ALDH1A2: variants seen among roughly 807,000 people sequenced by gnomAD.
ALDH1A2 encodes the protein aldehyde dehydrogenase 1 family member A2.
ALDH1A2 carries 27 observed loss-of-function variants against 60.3 expected under a neutral mutation model. That is an observed-to-expected ratio of 0.45 (90% CI 0.33 to 0.62). ALDH1A2 has a LOEUF of 0.62. Ranked by LOEUF, ALDH1A2 falls within the 20% of genes least tolerant of loss-of-function variation. ALDH1A2 has a pLI of 0.02. For missense variants in ALDH1A2, 581 were observed against 643.8 expected, an observed-to-expected ratio of 0.90 and a Z score of 1.06; for synonymous variants, 289 against 232.4, an observed-to-expected ratio of 1.24 and a Z score of -2.21.
intron 8 of ALDH1A2, chr15:57,964,611 G>A (rs569179623): frequency 1.3e-5 from 2 of 156,314 alleles, no homozygotes; most frequent in African/African-American, 4.8e-5. Flanking sequence ...CCTTGGGGCT[G>A]TATGTTTGGT....
Position 57,954,231 on chromosome 15 carries a change from TAC to T in ALDH1A2, c.*964_*965del, listed in dbSNP as rs1893441386. 5 of 152,474 alleles carry T rather than the reference TAC, an allele frequency of 3.3e-5. No homozygotes were observed. The South Asian group carries it at 1.0e-3, about 32-fold the overall frequency. 9.4% of individuals were successfully genotyped at this position (152,474 alleles called of 1,614,324 possible). On this transcript the variant is annotated 3_prime_UTR_variant, in exon 13 of 13. Coordinates refer to ENST00000249750, the MANE Select transcript of ALDH1A2 (RefSeq NM_003888.4). ...GTTATTGGTGTAGAGGTTCAGAAGG[TAC>T]AGATTCCAACTACAGAAATAATTCA...
intron 7 of ALDH1A2, among the ~76,000 whole-genome samples, chr15:57,989,349 T>TTTAATATGGACATGTAATGTTA (rs1894816582): frequency 6.6e-6 from 1 of 152,212 alleles, no homozygotes; most frequent in Non-Finnish European, 1.5e-5. Context: ...TTTTCCTCAT[T>TTTAATATGGACATGTAATGTTA]TTAATATGGA....
At chr15:58,062,244 T>C (rs998171503) in intron 1 of ALDH1A2, among the ~76,000 whole-genome samples, 1 of 152,200 alleles carries the variant, frequency 6.6e-6, no homozygotes, top group East Asian at 1.9e-4. Flanking sequence ...TTGTTACTGT[T>C]AGTTATGGGC....
At chr15:57,987,190 T>C (rs905612282) in intron 7 of ALDH1A2, among the ~76,000 whole-genome samples, 6 of 151,664 alleles carry the variant, frequency 4.0e-5, no homozygotes, top group African/African-American at 1.5e-4. Flanking sequence ...CAGTGACCCA[T>C]GGGATAATGA....
At chr15:58,023,904 C>G (rs1390527472) in intron 1 of ALDH1A2, among the ~76,000 whole-genome samples, 8 of 152,024 alleles carry the variant, frequency 5.3e-5, no homozygotes, top group African/African-American at 1.9e-4. Context: ...CCAGCCTGAC[C>G]AAATCATGGA....
At position 58,063,499 on chromosome 15, in the gene ALDH1A2, G is replaced by C. The variant is rs114687819; in HGVS notation, c.117+2035C>G. Among the ~76,000 whole-genome samples, 164 of 151,816 alleles carry C rather than the reference G, an allele frequency of 1.1e-3. 1 individual carries two copies. The highest frequency in any genetic ancestry group is 4.0e-3 in the African/African-American group (164 of 41,396). On this transcript the variant is annotated intron_variant, in intron 1 of 12. Coordinates refer to ENST00000249750, the MANE Select transcript of ALDH1A2 (RefSeq NM_003888.4). ...ACTATTAATCTTATTTTTCCTTTAA[G>C]TAAAAAAATCATTACCCTGGGATAC...
intron 9 of ALDH1A2, among the ~76,000 whole-genome samples, chr15:57,962,726 TC>T (rs1474790075): frequency 2.6e-5 from 4 of 152,018 alleles, no homozygotes; most frequent in African/African-American, 9.7e-5. Flanking sequence ...AGGTCAGTCT[TC>T]CCCCAAAAAA....
At chr15:58,006,169 C>G (rs543397608) in intron 4 of ALDH1A2, among the ~76,000 whole-genome samples, 28 of 151,908 alleles carry the variant, frequency 1.8e-4, no homozygotes, top group African/African-American at 5.8e-4. Context: ...TTTTATCACT[C>G]ACCCCACTCC....
intron 7 of ALDH1A2, among the ~76,000 whole-genome samples, chr15:57,988,208 G>C (rs1894774787): frequency 6.6e-6 from 1 of 152,154 alleles, no homozygotes; most frequent in Non-Finnish European, 1.5e-5. Context: ...GATGAGATTG[G>C]AACAATGCTG....
intron 1 of ALDH1A2, among the ~76,000 whole-genome samples, chr15:58,054,763 A>G (rs967146231): frequency 2.0e-5 from 3 of 152,312 alleles, no homozygotes; most frequent in African/African-American, 7.2e-5. Flanking sequence ...GAATGCAAAC[A>G]AAACAGATCA....
intron 7 of ALDH1A2, among the ~76,000 whole-genome samples, chr15:57,985,350 A>C (rs1343132180): frequency 1.3e-5 from 2 of 152,088 alleles, no homozygotes; most frequent in Non-Finnish European, 1.5e-5. Flanking sequence ...ACCTTGATAG[A>C]CCACCCAACC....
chr15:58,039,224 C>T (rs1404623387), intron 1 of ALDH1A2, among the ~76,000 whole-genome samples: 2 of 151,712 alleles, frequency 1.3e-5, no homozygotes, highest in African/African-American at 2.4e-5. Context: ...TAGCAAGAAC[C>T]TGGAATCCCT....
At chr15:57,970,086 G>A (rs1314732429) in intron 7 of ALDH1A2, among the ~76,000 whole-genome samples, 3 of 152,242 alleles carry the variant, frequency 2.0e-5, no homozygotes, top group South Asian at 4.1e-4. Context: ...GACTCCTGGG[G>A]ACCCTGCTCA....
At chr15:58,040,882 T>C (rs183693775) in intron 1 of ALDH1A2, among the ~76,000 whole-genome samples, 2 of 152,052 alleles carry the variant, frequency 1.3e-5, no homozygotes, top group Non-Finnish European at 2.9e-5. Context: ...GCAGTCATGT[T>C]TGTCCTGTTT....
intron 1 of ALDH1A2, chr15:58,065,239 C>T: frequency 2.4e-6 from 1 of 422,088 alleles, no homozygotes; most frequent in South Asian, 2.1e-5. Flanking sequence ...CAGTCGGGAC[C>T]GGGAGAATCG....
intron 7 of ALDH1A2, among the ~76,000 whole-genome samples, chr15:57,991,857 T>C (rs1279008064): frequency 6.6e-6 from 1 of 152,210 alleles, no homozygotes. Flanking sequence ...GAGGTTCTAC[T>C]TGAAACAATG....
At chr15:58,004,968 C>A (rs376847294) in intron 4 of ALDH1A2, among the ~76,000 whole-genome samples, 1 of 151,578 alleles carries the variant, frequency 6.6e-6, no homozygotes. Context: ...AAGCAATATA[C>A]AGATTTGATG....
chr15:57,984,358 T>A (rs1450101536), intron 7 of ALDH1A2, among the ~76,000 whole-genome samples: 1 of 152,246 alleles, frequency 6.6e-6, no homozygotes, highest in Non-Finnish European at 1.5e-5. Flanking sequence ...AATTAATTGA[T>A]TTTTCACAGC....
chr15:58,065,594 G>A lies in ALDH1A2; in HGVS notation c.57C>T (p.Leu19=). 1 of 1,612,552 alleles carries A rather than the reference G, an allele frequency of 6.2e-7. No homozygotes were observed. Among genetic ancestry groups the A allele is most frequent in the Non-Finnish European group, 8.5e-7 (1 of 1,179,176 alleles). ...ACGGCAGGAGGTGCAGCGACGCCAT[G>A]AGGGCGGCGGGGTCGGCCTTCACCT... The part of the protein sequence containing the change: ...PGEVKADPAA[L]MASLHLLPSP... The change falls in exon 1 of 13, where the codon CTC becomes CTT. Residue 19 remains leucine (L), a synonymous_variant. Coordinates refer to ENST00000249750, the MANE Select transcript of ALDH1A2 (RefSeq NM_003888.4).
Sources: allele counts gnomAD v4.1 joint callset (sites outside exome capture counted in the v4.1 genomes callset), GRCh38; gene constraint gnomAD v4.1.1; transcripts MANE v1.5; gene names NCBI Gene and HGNC (gene_info 2026-07-23, HGNC 2026-07-21).